CSMD1: variants seen among roughly 807,000 people sequenced by gnomAD.
CSMD1 encodes the protein CUB and sushi domain-containing protein 1.
A neutral mutation model predicts 417.5 loss-of-function variants in CSMD1; 213 were observed. The ratio of observed to expected loss-of-function variants is 0.51; its 90% CI spans 0.46 to 0.57. The LOEUF is 0.57. CSMD1 is among the 20% of genes least tolerant of loss of function. CSMD1 has a pLI of 0.00. For missense variants in CSMD1, 6,923 were observed against 4,529.7 expected (o/e 1.53, Z -15.17); for synonymous variants, 2,862 against 1,736.8 (o/e 1.65, Z -16.11).
chr8:3,440,442 C>T (rs1292658507), intron 12 of CSMD1, among the ~76,000 whole-genome samples: 1 of 152,108 alleles, frequency 6.6e-6, no homozygotes, highest in East Asian at 1.9e-4. Context: ...TGGGTGTTCA[C>T]GTGTTCATAT....
chr8:4,930,440 G>C (rs1346236013), intron 1 of CSMD1, among the ~76,000 whole-genome samples: 1 of 151,968 alleles, frequency 6.6e-6, no homozygotes, highest in Non-Finnish European at 1.5e-5. Flanking sequence ...CGCTTAAAGA[G>C]AAATTTGACA....
chr8:3,470,208 A>C (rs925626363), intron 11 of CSMD1, among the ~76,000 whole-genome samples: 26 of 152,186 alleles, frequency 1.7e-4, no homozygotes, highest in African/African-American at 5.8e-4. Context: ...CATACTATAT[A>C]TAACATTTTG....
At chr8:3,124,229 A>C (rs1817369562) in intron 41 of CSMD1, among the ~76,000 whole-genome samples, 1 of 151,968 alleles carries the variant, frequency 6.6e-6, no homozygotes, top group Non-Finnish European at 1.5e-5. Flanking sequence ...TTATTTATTG[A>C]CTCTACTCTG....
intron 52 of CSMD1, among the ~76,000 whole-genome samples, chr8:3,001,627 G>T (rs1490740078): frequency 6.6e-6 from 1 of 152,134 alleles, no homozygotes; most frequent in African/African-American, 2.4e-5. Context: ...ATTGCTTTAA[G>T]AGGAATTTTG....
intron 1 of CSMD1, among the ~76,000 whole-genome samples, chr8:4,822,785 A>G (rs1298471363): frequency 2.0e-5 from 3 of 152,076 alleles, no homozygotes; most frequent in Non-Finnish European, 4.4e-5. Context: ...TGGCAATCAA[A>G]TCTTTTTAGA....
chr8:3,404,738 T>C (rs1812243563), intron 15 of CSMD1, among the ~76,000 whole-genome samples: 2 of 152,108 alleles, frequency 1.3e-5, no homozygotes, highest in Non-Finnish European at 2.9e-5. Flanking sequence ...TTTACAAAGT[T>C]ATTATCATGA....
intron 10 of CSMD1, among the ~76,000 whole-genome samples, chr8:3,536,974 G>T (rs1164438812): frequency 2.0e-5 from 3 of 152,112 alleles, no homozygotes; most frequent in Non-Finnish European, 2.9e-5. Flanking sequence ...GCAACATTGT[G>T]CAACAATAGG....
At chr8:3,392,424 C>T (rs76674863) in intron 17 of CSMD1, among the ~76,000 whole-genome samples, 12 of 151,910 alleles carry the variant, frequency 7.9e-5, no homozygotes, top group Non-Finnish European at 1.2e-4. Context: ...GGGTGCTAGA[C>T]GGGGTTACCT....
chr8:4,646,899 AT>A (rs918561433), intron 1 of CSMD1, among the ~76,000 whole-genome samples: 5 of 152,278 alleles, frequency 3.3e-5, no homozygotes, highest in East Asian at 1.9e-4. Flanking sequence ...TTATGAGCAG[AT>A]TTTTTTAACC....
chr8:3,583,809 C>G (rs1299583339), intron 9 of CSMD1, among the ~76,000 whole-genome samples: 1 of 151,906 alleles, frequency 6.6e-6, no homozygotes, highest in Non-Finnish European at 1.5e-5. Flanking sequence ...ACTGTAAGGT[C>G]AGAACACAAG....
intron 10 of CSMD1, among the ~76,000 whole-genome samples, chr8:3,567,687 G>C (rs550562211): frequency 3.3e-5 from 5 of 152,120 alleles, no homozygotes; most frequent in Non-Finnish European, 7.3e-5. Flanking sequence ...CAACTGTACA[G>C]AAAGACTGGT....
intron 3 of CSMD1, among the ~76,000 whole-genome samples, chr8:4,356,419 T>A (rs544926591): frequency 5.9e-5 from 9 of 152,340 alleles, no homozygotes; most frequent in African/African-American, 2.2e-4. Context: ...TTGTCAATTG[T>A]GCTACTATAA....
intron 25 of CSMD1, among the ~76,000 whole-genome samples, chr8:3,298,456 C>G (rs1463370196): frequency 1.3e-5 from 2 of 151,310 alleles, no homozygotes; most frequent in African/African-American, 4.8e-5. Flanking sequence ...ACTGTACAAT[C>G]TCTCTCTCTC....
chr8:3,487,530 G>T (rs558883929), intron 11 of CSMD1, among the ~76,000 whole-genome samples: 1 of 152,198 alleles, frequency 6.6e-6, no homozygotes, highest in East Asian at 1.9e-4. Context: ...CAGATTTTAG[G>T]AATAGCATAT....
At chr8:4,438,694 G>C (rs570377363) in intron 2 of CSMD1, among the ~76,000 whole-genome samples, 6 of 152,112 alleles carry the variant, frequency 3.9e-5, no homozygotes, top group Admixed American at 3.3e-4. Flanking sequence ...AAACTCTTGC[G>C]GCCTTCATAC....
At chr8:4,723,910 T>C (rs902005110) in intron 1 of CSMD1, among the ~76,000 whole-genome samples, 6 of 152,034 alleles carry the variant, frequency 3.9e-5, no homozygotes, top group Admixed American at 2.0e-4. Context: ...GTCCTGCATA[T>C]ACAGATCTCT....
Position 3,278,630 on chromosome 8 carries a change from T to C in CSMD1, c.4153+5514A>G, listed in dbSNP as rs1584917368. ...GCATGGTTTATGAATCACAACACAA[T>C]CTAATTTATAGGTAAAGTTCCTCGT... On this transcript the variant is annotated intron_variant, in intron 26 of 69. Transcript: ENST00000635120. 2.0e-5 allele frequency: 3 copies of C among 148,378 alleles called. No individual in the cohort carries two copies. The Admixed American group carries it at 2.1e-4, about 10-fold the overall frequency. The allele number at this position is 148,378 out of a possible 1,614,324, so 9.2% of individuals were successfully genotyped here.
intron 1 of CSMD1, among the ~76,000 whole-genome samples, chr8:4,968,119 G>C (rs1180620329): frequency 2.0e-5 from 3 of 152,100 alleles, no homozygotes; most frequent in Non-Finnish European, 4.4e-5. Flanking sequence ...ATATGAAAGA[G>C]AAGTGATTTT....
intron 5 of CSMD1, among the ~76,000 whole-genome samples, chr8:3,909,029 C>T (rs1440681222): frequency 6.6e-6 from 1 of 152,194 alleles, no homozygotes; most frequent in African/African-American, 2.4e-5. Context: ...CTTTCTTTTT[C>T]ACATTGTGGG....
Sources: allele counts gnomAD v4.1 joint callset (sites outside exome capture counted in the v4.1 genomes callset), GRCh38; gene constraint gnomAD v4.1.1; transcripts MANE v1.5; gene names NCBI Gene and HGNC (gene_info 2026-07-23, HGNC 2026-07-21).